The following SULT1A1 variants were observed in gnomAD, a reference collection of about 807,000 sequenced individuals.
The protein encoded by SULT1A1 is sulfotransferase family 1A member 1.
A neutral mutation model predicts 36.8 loss-of-function variants in SULT1A1; 35 were observed. The observed-to-expected ratio is 0.95, with a 90% CI of 0.73 to 1.26. The LOEUF is 1.26. Ranked by LOEUF, SULT1A1 falls within the 50% of genes most tolerant of loss-of-function variation. The pLI is 0.00. For missense variants in SULT1A1, 309 were observed against 383.0 expected (o/e 0.81, Z 1.61); for synonymous variants, 119 against 146.0 (o/e 0.82, Z 1.33).
chr16:28,623,344 C>T (rs1360218391), exon 1 of SULT1A1: 3 of 1,501,950 alleles, frequency 2.0e-6, no homozygotes, highest in East Asian at 2.5e-5. Context: ...TGCTGCAGCA[C>T]GTCCCCGGCG....
rs1288041637 is a variant in SULT1A1 at position 28,605,837 on chromosome 16, A to G, written c.872T>C (p.Phe291Ser). Residue 291 changes from phenylalanine (F) to serine (S), a missense_variant, in exon 8 of 8, where the codon TTC becomes TCC. Physicochemically the swap from Phe to Ser is radical, Grantham distance 155 (BLOSUM62 -2). Around this residue, in one of 3 missense-constraint regions of SULT1A1, gnomAD observed 67 missense variants for 122.0 expected, o/e 0.55. Transcript: ENST00000314752. The part of the protein sequence containing the change: ...AEKMAGCSLS[F>S]RSEL ...GAGCCCCTCTCACAGCTCAGAGCGG[A>G]AGCTGAGGCTGCAGCCTGCCATCTT... 1.2e-6 allele frequency: 2 copies of G among 1,608,966 alleles called. No homozygotes were observed. Among genetic ancestry groups the G allele is most frequent in the Non-Finnish European group, 1.7e-6 (2 of 1,177,672 alleles).
intron 2 of SULT1A1, among the ~76,000 whole-genome samples, chr16:28,617,278 A>AG (rs2047564357): frequency 6.6e-6 from 1 of 152,118 alleles, no homozygotes; most frequent in South Asian, 2.1e-4. Flanking sequence ...GGCCTCCCAA[A>AG]GTGCTAGCAT....
chr16:28,610,289 T>C (rs1473287040), upstream of SULT1A1: 1 of 1,058,912 alleles, frequency 9.4e-7, no homozygotes, highest in Non-Finnish European at 1.2e-6. Flanking sequence ...TTTTTTTTTT[T>C]TCCGAGCTGT....
chr16:28,606,109 G>A lies in SULT1A1; in HGVS notation c.722C>T (p.Thr241Ile), dbSNP rs771375842. ...EMKKNPMTNY[T>I]TVPQEFMDHS... ...GTCCATGAACTCCTGGGGGACGGTG[G>A]TGTAGTTGGTCATAGGGTTCTTCTT... Residue 241 changes from threonine (T) to isoleucine (I), a missense_variant, in exon 7 of 8, where the codon ACC (threonine) becomes ATC (isoleucine). Transcript: ENST00000314752. The A allele has an allele frequency of 1.4e-5, 23 of 1,611,474 alleles. No homozygotes were observed. Among genetic ancestry groups the A allele is most frequent in the East Asian group, 2.2e-5 (1 of 44,866 alleles).
chr16:28,621,277 T>C (rs2047648305), intron 1 of SULT1A1, among the ~76,000 whole-genome samples: 1 of 150,446 alleles, frequency 6.6e-6, no homozygotes, highest in Non-Finnish European at 1.5e-5. Context: ...AGTTCAGGAG[T>C]TCGAGACGAC....
At chr16:28,609,788 G>A in intron 1 of SULT1A1, 143 bp downstream of exon 1, 1 of 929,984 alleles carries the variant, frequency 1.1e-6, no homozygotes, top group South Asian at 1.7e-5. Flanking sequence ...GGAAGGGAGG[G>A]GGATTCACGC....
At chr16:28,615,249 C>T (rs562512799) in intron 2 of SULT1A1, among the ~76,000 whole-genome samples, 2 of 113,262 alleles carry the variant, frequency 1.8e-5, no homozygotes, top group Non-Finnish European at 4.1e-5. Flanking sequence ...CAGGGAGCAC[C>T]GGGTCCTTGC....
chr16:28,618,384 C>T (rs1486905932), intron 2 of SULT1A1, among the ~76,000 whole-genome samples: 2 of 127,632 alleles, frequency 1.6e-5, no homozygotes, highest in East Asian at 2.5e-4. Context: ...CTCGCTCTGT[C>T]GCCCAGGCTG....
At position 28,607,188 on chromosome 16, in the gene SULT1A1, T is replaced by C. The variant is rs1368497627; in HGVS notation, c.373-111A>G. On this transcript the variant is annotated intron_variant, in intron 4 of 7. Transcript: ENST00000314752. ...ACCTGAGGCTTAGAGGCTGACTTGT[T>C]TGAGATCTCACGGCACCGGTAGGGC... The C allele has an allele frequency of 1.1e-4, 171 of 1,550,954 alleles. 1 individual carries two copies. In the African/African-American group the frequency reaches 2.2e-3, roughly 20 times the overall value.
Position 28,606,178 on chromosome 16 carries a change from T to C in SULT1A1, c.653A>G (p.Glu218Gly). 6.2e-7 allele frequency: 1 copy of C among 1,611,900 alleles called. No individual in the cohort carries two copies. The highest frequency in any genetic ancestry group is 1.7e-5 in the Admixed American group (1 of 59,862). ...GTGCTGAACCACGAAGTCCACGGTC[T>C]CCTCTGGCAGGGAGCGCCCCACAAA... ...LEFVGRSLPEETVDFVVQHTS... is the reference protein window; with the variant it reads ...LEFVGRSLPEGTVDFVVQHTS... The change falls in exon 7 of 8, where the codon GAG becomes GGG. Residue 218 changes from glutamate (E) to glycine (G), a missense_variant. Coordinates refer to ENST00000314752, the MANE Select transcript of SULT1A1 (RefSeq NM_001055.4).
intron 1 of SULT1A1, chr16:28,620,211 T>C: frequency 7.3e-7 from 1 of 1,361,570 alleles, no homozygotes; most frequent in Admixed American, 1.9e-5. Flanking sequence ...AGTTTACCAT[T>C]CCAAAATGCA....
intron 1 of SULT1A1, among the ~76,000 whole-genome samples, chr16:28,621,771 TC>T (rs2047661488): frequency 6.6e-6 from 1 of 151,916 alleles, no homozygotes; most frequent in South Asian, 2.1e-4. Flanking sequence ...AGAGATTTTC[TC>T]CCCAGTTACC....
chr16:28,620,074 T>G, exon 2 of SULT1A1: 1 of 1,613,056 alleles, frequency 6.2e-7, no homozygotes, highest in Non-Finnish European at 8.5e-7. Context: ...ATATAGGTGT[T>G]CCAGAATTTC....
At chr16:28,622,958 C>T (rs1035056846) in intron 1 of SULT1A1, among the ~76,000 whole-genome samples, 45 of 152,318 alleles carry the variant, frequency 3.0e-4, no homozygotes, top group African/African-American at 8.9e-4. Flanking sequence ...CAGCCTCCAG[C>T]CTTTGCCCTG....
At chr16:28,618,368 CAG>C (rs1208159528) in intron 2 of SULT1A1, among the ~76,000 whole-genome samples, 585 of 42,884 alleles carry the variant, frequency 0.014, 4 homozygotes, top group African/African-American at 0.032. Context: ...TTTTTTGAGA[CAG>C]AGTCTCGCTC....
Position 28,608,810 on chromosome 16 carries a change from T to A in SULT1A1, c.46A>T (p.Lys16Ter). 2 of 1,611,950 alleles carry A rather than the reference T, an allele frequency of 1.2e-6. No homozygotes were observed. Among genetic ancestry groups the A allele is most frequent in the Non-Finnish European group, 1.7e-6 (2 of 1,179,470 alleles). The change falls in exon 2 of 8, where the codon AAG becomes TAG. Residue 16 changes from lysine to a stop codon, truncating the protein, a stop_gained. Transcript: ENST00000314752. LOFTEE classifies it high-confidence loss of function. Reference sequence around the variant, plus strand: ...AAGTACTTGATGAGCGGGACCCCCTTCACGTACTCCAGTGGCGGGCGGGAG... The same window carrying A: ...AAGTACTTGATGAGCGGGACCCCCTACACGTACTCCAGTGGCGGGCGGGAG... ...DTSRPPLEYVKGVPLIKYFAE... is the reference protein window; with the variant it reads ...DTSRPPLEYV
chr16:28,609,796 C>G (rs2047375796), intron 1 of SULT1A1, 135 bp downstream of exon 1: 3 of 996,892 alleles, frequency 3.0e-6, no homozygotes, highest in African/African-American at 1.7e-5. Context: ...GGGGGATTCA[C>G]GCAGGCCAGG....
intron 1 of SULT1A1, chr16:28,609,385 C>G: frequency 7.8e-7 from 1 of 1,289,742 alleles, no homozygotes; most frequent in Non-Finnish European, 1.0e-6. Context: ...CATCTGGGCT[C>G]CAGGACAAAC....
chr16:28,620,003 G>GTGTGTC, intron 2 of SULT1A1: 1 of 1,392,144 alleles, frequency 7.2e-7, no homozygotes, highest in Non-Finnish European at 1.0e-6. Flanking sequence ...TTGTGTGTGT[G>GTGTGTC]TGTGTGTGTA....
Sources: allele counts gnomAD v4.1 joint callset (sites outside exome capture counted in the v4.1 genomes callset), GRCh38; gene constraint gnomAD v4.1.1; regional missense constraint gnomAD v4.1.1; transcripts MANE v1.5; gene names NCBI Gene and HGNC (gene_info 2026-07-23, HGNC 2026-07-21).